Variants in TNFAIP3 observed in about 807,000 individuals in gnomAD.
TNFAIP3 encodes tumor necrosis factor alpha-induced protein 3.
Under a neutral mutation model 72.4 loss-of-function variants are expected in TNFAIP3, and 9 were observed. The ratio of observed to expected loss-of-function variants is 0.12; its 90% CI spans 0.07 to 0.22. The LOEUF is 0.22. TNFAIP3 is among the 10% of genes least tolerant of loss of function. TNFAIP3 has a pLI of 1.00. For missense variants in TNFAIP3, 833 were observed against 1,018.7 expected (o/e 0.82, Z 2.48); for synonymous variants, 339 against 372.6 (o/e 0.91, Z 1.04).
rs1461559447 is a variant in TNFAIP3, at chr6:137,882,842, G to A, written c.*1523G>A. On this transcript the variant is annotated 3_prime_UTR_variant, in exon 9 of 9. Coordinates refer to ENST00000612899, the MANE Select transcript of TNFAIP3 (RefSeq NM_001270508.2). ...TTACAGTTTCTCTGTGTGCTTTGTG[G>A]TTGCTGTCATATTTGCTCTAGAAGA... is the stretch of plus-strand genomic sequence containing the variant. The A allele has an allele frequency of 1.7e-5, 4 of 229,080 alleles. No individual in the cohort carries two copies. The highest frequency in any genetic ancestry group is 3.5e-5 in the Non-Finnish European group (4 of 115,786). The allele number at this position is 229,080 out of a possible 1,614,324, so 14.2% of individuals were successfully genotyped here.
chr6:137,880,029 G>T lies in TNFAIP3; in HGVS notation c.1907-42G>T. ...CTGTCAGCATCTCTGTATCGGTGGG[G>T]TGACCCCTATGTGGTACTAACTAGC... On this transcript the variant is annotated intron_variant, in intron 7 of 8. Transcript: ENST00000612899. The T allele has an allele frequency of 2.5e-6, 4 of 1,587,910 alleles. No homozygotes were observed. In the South Asian group the frequency reaches 4.4e-5, roughly 18 times the overall value.
Position 137,871,557 on chromosome 6 carries a change from G to T in TNFAIP3, c.295+35G>T. 2 of 1,601,534 alleles carry T rather than the reference G, an allele frequency of 1.2e-6. No homozygotes were observed. The highest frequency in any genetic ancestry group is 8.5e-7 in the Non-Finnish European group (1 of 1,172,708). On this transcript the variant is annotated intron_variant, in intron 2 of 8. Transcript: ENST00000612899. This position sits in a 1 kb window ranked among gnomAD's most constrained non-coding sequence, Gnocchi z 4.2. ...GTTCTGTTGTGTTTCTTTTGCCTGG[G>T]TGATAGCTCCCGCCTGCTGGATCCC...
chr6:137,875,295 T>C (rs1296539250), intron 3 of TNFAIP3, among the ~76,000 whole-genome samples: 1 of 152,108 alleles, frequency 6.6e-6, no homozygotes, highest in African/African-American at 2.4e-5. Context: ...TTTCCACTGG[T>C]GTTTTGTTGT....
In TNFAIP3 at chr6:137,881,471, C is replaced by T. The variant is rs143551019; in HGVS notation, c.*152C>T. The T allele has an allele frequency of 1.9e-4, 129 of 664,244 alleles. 1 individual carries two copies. The African/African-American group carries it at 2.0e-3, about 10-fold the overall frequency. 41.1% of individuals were successfully genotyped at this position (664,244 alleles called of 1,614,324 possible). ...AAAGATAAGCTCTTCGTGGTGCCCA[C>T]GATGCTCAGGTTTGGTAACCCGGGA... On this transcript the variant is annotated 3_prime_UTR_variant, in exon 9 of 9. Coordinates refer to ENST00000612899, the MANE Select transcript of TNFAIP3 (RefSeq NM_001270508.2). The surrounding 1 kb of genome is among the most constrained non-coding windows in gnomAD (Gnocchi z 5.0).
chr6:137,874,788 G>C, intron 2 of TNFAIP3, 57 bp from the exon 3 acceptor site: 1 of 1,555,432 alleles, frequency 6.4e-7, no homozygotes, highest in African/African-American at 1.4e-5. Flanking sequence ...AACCTTTGCT[G>C]GGTCTTACAT....
Position 137,874,875 on chromosome 6 carries a change from C to T in TNFAIP3, c.326C>T (p.Ser109Phe), listed in dbSNP as rs767282565. ...GGCAATTGCCTCATGCATGCCACTT[C>T]TCAGTACATGTGGGGCGTTCAGGAC... ...GDGNCLMHAT[S>F]QYMWGVQDTD... The change falls in exon 3 of 9, where the codon TCT (serine) becomes TTT (phenylalanine). Residue 109 changes from serine to phenylalanine, a missense_variant. Around this residue, in one of 2 missense-constraint regions of TNFAIP3, gnomAD observed 246 missense variants for 360.9 expected, o/e 0.68. Transcript: ENST00000612899. The T allele has an allele frequency of 2.5e-6, 4 of 1,614,022 alleles. No individual in the cohort carries two copies. The highest frequency in any genetic ancestry group is 2.2e-5 in the South Asian group (2 of 91,072).
chr6:137,871,580 C>T lies in TNFAIP3; in HGVS notation c.295+58C>T. 6.4e-7 allele frequency: 1 copy of T among 1,568,000 alleles called. No homozygotes were observed. Among genetic ancestry groups the T allele is most frequent in the Non-Finnish European group, 8.7e-7 (1 of 1,155,602 alleles). ...GGGTGATAGCTCCCGCCTGCTGGATCCCCATTCATGAAGCTTTAATAGGAC... is the reference window on the plus strand; with the variant it reads ...GGGTGATAGCTCCCGCCTGCTGGATTCCCATTCATGAAGCTTTAATAGGAC... On this transcript the variant is annotated intron_variant, in intron 2 of 8. Transcript: ENST00000612899. The surrounding 1 kb of genome is among the most constrained non-coding windows in gnomAD (Gnocchi z 4.2).
intron 8 of TNFAIP3, 114 bp from the exon 9 acceptor site, chr6:137,880,921 G>A (rs1776429543): frequency 1.3e-5 from 15 of 1,160,028 alleles, no homozygotes; most frequent in Admixed American, 4.8e-5. Flanking sequence ...GCTCAGGCAG[G>A]TAAAGCTCTT....
chr6:137,874,424 C>T (rs1253814882), intron 2 of TNFAIP3, among the ~76,000 whole-genome samples: 1 of 152,194 alleles, frequency 6.6e-6, no homozygotes, highest in Non-Finnish European at 1.5e-5. Context: ...CTCCTTAGAA[C>T]TAGAGAGCAG....
In TNFAIP3 at chr6:137,871,454, C is replaced by A; in HGVS notation, c.227C>A (p.Thr76Asn). 6.2e-7 allele frequency: 1 copy of A among 1,614,184 alleles called. No homozygotes were observed. Among genetic ancestry groups the A allele is most frequent in the Non-Finnish European group, 8.5e-7 (1 of 1,180,034 alleles). ...CTCATCGACAGAAACATCCAGGCCA[C>A]CCTGGAAAGCCAGAAGAAACTCAAC... ...KALIDRNIQA[T>N]LESQKKLNWC... The change falls in exon 2 of 9, where the codon ACC (threonine) becomes AAC (asparagine). Residue 76 changes from threonine to asparagine, a missense_variant. Transcript: ENST00000612899. This position sits in a 1 kb window ranked among gnomAD's most constrained non-coding sequence, Gnocchi z 4.2.
intron 2 of TNFAIP3, among the ~76,000 whole-genome samples, chr6:137,873,883 C>A (rs933324074): frequency 6.6e-6 from 1 of 152,096 alleles, no homozygotes; most frequent in African/African-American, 2.4e-5. Flanking sequence ...AGCTCTATTG[C>A]CCTACTTATA....
Position 137,871,250 on chromosome 6 carries a change from A to C in TNFAIP3, c.23A>C (p.Gln8Pro). The change falls in exon 2 of 9, where the codon CAG becomes CCG. Residue 8 changes from glutamine to proline, a missense_variant. Gln to Pro is a moderately conservative substitution (Grantham distance 76, BLOSUM62 -1). This residue lies in a region of TNFAIP3 where 246 missense variants were observed against 360.9 expected (regional missense o/e 0.68). Coordinates refer to ENST00000612899, the MANE Select transcript of TNFAIP3 (RefSeq NM_001270508.2). This position sits in a 1 kb window ranked among gnomAD's most constrained non-coding sequence, Gnocchi z 4.2. ...ACAATGGCTGAACAAGTCCTTCCTC[A>C]GGCTTTGTATTTGAGCAATATGCGG... is the stretch of plus-strand genomic sequence containing the variant. The part of the protein sequence containing the change: MAEQVLP[Q>P]ALYLSNMRKA... 1 of 1,612,590 alleles carries C rather than the reference A, an allele frequency of 6.2e-7. No homozygotes were observed.
intron 6 of TNFAIP3, among the ~76,000 whole-genome samples, chr6:137,877,718 C>T (rs1165012909): frequency 5.9e-5 from 9 of 152,144 alleles, no homozygotes; most frequent in African/African-American, 2.2e-4. Flanking sequence ...ATGATTCTGC[C>T]ACATGGAAAT....
intron 1 of TNFAIP3, among the ~76,000 whole-genome samples, chr6:137,870,931 A>G (rs556958938): frequency 6.6e-6 from 1 of 152,328 alleles, no homozygotes; most frequent in African/African-American, 2.4e-5. Context: ...CCTGACAAAC[A>G]TTACTGAAAA....
In TNFAIP3 at chr6:137,871,895, G is replaced by A. The variant is rs1776076208; in HGVS notation, c.295+373G>A. ...GCCTTTAAGTTCAAAAGGAAAGAAT[G>A]GTGTGAAAACTGGTAGTACATTTGT... is the stretch of plus-strand genomic sequence containing the variant. On this transcript the variant is annotated intron_variant, in intron 2 of 8. Transcript: ENST00000612899. The surrounding 1 kb of genome is among the most constrained non-coding windows in gnomAD (Gnocchi z 4.2). Among the ~76,000 whole-genome samples the A allele has an allele frequency of 6.6e-6, 1 of 152,140 alleles. No homozygotes were observed. Among genetic ancestry groups the A allele is most frequent in the South Asian group, 2.1e-4 (1 of 4,832 alleles).
chr6:137,875,965 G>A (rs768949689), intron 4 of TNFAIP3, 31 bp from the exon 5 acceptor site: 1 of 1,605,748 alleles, frequency 6.2e-7, no homozygotes, highest in Non-Finnish European at 8.5e-7. Context: ...TCACCTAAGG[G>A]CCTCATTTTC....
chr6:137,875,070 C>G, intron 3 of TNFAIP3, 35 bp downstream of exon 3: 1 of 1,611,390 alleles, frequency 6.2e-7, no homozygotes, highest in Non-Finnish European at 8.5e-7. Context: ...ACTAACAGAG[C>G]TCCATGGTGG....
rs906386056 is a variant in TNFAIP3 at position 137,882,375 on chromosome 6, C to T, written c.*1056C>T. On this transcript the variant is annotated 3_prime_UTR_variant, in exon 9 of 9. Coordinates refer to ENST00000612899, the MANE Select transcript of TNFAIP3 (RefSeq NM_001270508.2). ...TATTTCTTCAGCTCTGGGGAAAATG[C>T]CACAGTGTTCTCCTGAGAGAACATC... 1 of 232,526 alleles carries T rather than the reference C, an allele frequency of 4.3e-6. No individual in the cohort carries two copies. The highest frequency in any genetic ancestry group is 8.5e-6 in the Non-Finnish European group (1 of 117,638). 14.4% of individuals were successfully genotyped at this position (232,526 alleles called of 1,614,324 possible).
chr6:137,878,344 C>G, intron 6 of TNFAIP3, 88 bp from the exon 7 acceptor site: 1 of 1,230,702 alleles, frequency 8.1e-7, no homozygotes, highest in Non-Finnish European at 1.1e-6. Flanking sequence ...AATCCACATT[C>G]TAAAACTTTG....
Sources: allele counts gnomAD v4.1 joint callset (sites outside exome capture counted in the v4.1 genomes callset), GRCh38; gene constraint gnomAD v4.1.1; regional missense constraint gnomAD v4.1.1; non-coding constraint Gnocchi (gnomAD v3.1); transcripts MANE v1.5; gene names NCBI Gene and HGNC (gene_info 2026-07-23, HGNC 2026-07-21).